The following DOCK2 variants were observed in gnomAD, a reference collection of about 807,000 sequenced individuals.
DOCK2 encodes dedicator of cytokinesis 2, also known as dedicator of cytokinesis protein 2.
In DOCK2, 87 loss-of-function variants were observed where a neutral mutation model predicts 248.9. The observed-to-expected ratio is 0.35, with a 90% CI of 0.29 to 0.42. The LOEUF (loss-of-function observed/expected upper bound fraction) is 0.42, where lower values mean the gene tolerates loss of function less well. DOCK2 is among the 10% of genes least tolerant of loss of function. DOCK2 has a pLI of 1.00. For missense variants in DOCK2, 1,747 were observed against 2,300.2 expected (o/e 0.76, Z 4.92); for synonymous variants, 805 against 821.6 (o/e 0.98, Z 0.35).
At chr5:169,670,649 C>G in intron 4 of DOCK2, 52 bp downstream of exon 4, 1 of 1,594,176 alleles carries the variant, frequency 6.3e-7, no homozygotes, top group Non-Finnish European at 8.5e-7. Context: ...ATGGATGTCT[C>G]TGTCCTGTTT....
chr5:169,639,407 G>A (rs563427477), intron 1 of DOCK2, among the ~76,000 whole-genome samples: 56 of 152,230 alleles, frequency 3.7e-4, no homozygotes, highest in African/African-American at 1.3e-3. Context: ...TGTGACAAAG[G>A]GTGACAGAAA....
chr5:169,903,791 G>A (rs991782027), intron 27 of DOCK2, among the ~76,000 whole-genome samples: 3 of 152,092 alleles, frequency 2.0e-5, no homozygotes, highest in Non-Finnish European at 2.9e-5. Context: ...AGCAGTGGAA[G>A]CCTCCAGTGG....
In DOCK2 at chr5:170,079,050, G is replaced by A. The variant is rs149235480; in HGVS notation, c.5070G>A (p.Leu1690=). ...QEEPISPGST[L]PEVKLRRSKK... ...AACCGATCTCCCCGGGGAGCACCCT[G>A]CCTGAGGTCAAGCTGCGGAGGTCCA... The change falls in exon 49 of 52, where the codon CTG becomes CTA. Residue 1690 remains leucine, a synonymous_variant. Coordinates refer to ENST00000520908, the MANE Select transcript of DOCK2 (RefSeq NM_004946.3). The A allele has an allele frequency of 2.5e-6, 4 of 1,614,166 alleles. No individual in the cohort carries two copies. The highest frequency in any genetic ancestry group is 3.4e-6 in the Non-Finnish European group (4 of 1,180,016).
intron 25 of DOCK2, among the ~76,000 whole-genome samples, chr5:169,802,365 T>C (rs1767054882): frequency 6.6e-6 from 1 of 152,190 alleles, no homozygotes; most frequent in African/African-American, 2.4e-5. Flanking sequence ...TTTCGCCACG[T>C]TGGCCATGCT....
chr5:169,992,755 G>A (rs1778241454), intron 29 of DOCK2, among the ~76,000 whole-genome samples: 2 of 150,838 alleles, frequency 1.3e-5, no homozygotes. Flanking sequence ...GAGCCACCGT[G>A]CCCAGCCAAT....
At chr5:169,964,522 G>T (rs1164974573) in intron 27 of DOCK2, among the ~76,000 whole-genome samples, 1 of 152,228 alleles carries the variant, frequency 6.6e-6, no homozygotes, top group Non-Finnish European at 1.5e-5. Flanking sequence ...CAGCTCTTCT[G>T]CTGGAATAGA....
chr5:169,738,510 C>T (rs262846), intron 22 of DOCK2, among the ~76,000 whole-genome samples: 2 of 152,068 alleles, frequency 1.3e-5, no homozygotes, highest in African/African-American at 4.8e-5. Context: ...ACTTGGGCAC[C>T]AGTGGGGCCT....
chr5:169,851,368 C>T (rs536385030), intron 27 of DOCK2, among the ~76,000 whole-genome samples: 5 of 152,296 alleles, frequency 3.3e-5, no homozygotes, highest in Non-Finnish European at 5.9e-5. Flanking sequence ...ATGCTTCATT[C>T]TCCAAATCTT....
rs1227176121 is a variant in DOCK2 at position 170,025,786 on chromosome 5, C to T, written c.3382-2077C>T. Among the ~76,000 whole-genome samples the T allele has an allele frequency of 1.2e-4, 8 of 65,420 alleles. No homozygotes were observed. The East Asian group carries it at 4.1e-3, about 34-fold the overall frequency. The allele number at this position is 65,420 out of a possible 152,430, so 42.9% of individuals were successfully genotyped here. On this transcript the variant is annotated intron_variant, in intron 33 of 51. Coordinates refer to ENST00000520908, the MANE Select transcript of DOCK2 (RefSeq NM_004946.3). ...TCCCTCCCTCCCTCCCTCCCTCCTT[C>T]CCTCCCTTCCTTCCTTCCTTCCTTC...
chr5:169,760,944 A>C (rs528254367), intron 24 of DOCK2, among the ~76,000 whole-genome samples: 1 of 152,248 alleles, frequency 6.6e-6, no homozygotes, highest in African/African-American at 2.4e-5. Context: ...TTCTCACCCT[A>C]TTTGGGAAGA....
In DOCK2 at chr5:169,985,876, A is replaced by G. The variant is rs758789166; in HGVS notation, c.2947A>G (p.Asn983Asp). ...FIMFKDLIGK[N>D]VYPGDWMAMS... ...CATGTTCAAGGACCTCATTGGAAAG[A>G]ACGTGTACCCTGGAGACTGGATGGC... Residue 983 changes from asparagine (N) to aspartate (D), a missense_variant, in exon 29 of 52, where the codon AAC becomes GAC. Physicochemically the swap from Asn to Asp is conservative, Grantham distance 23. This residue lies in a region of DOCK2 where 858 missense variants were observed against 1,183.5 expected (regional missense o/e 0.72). Coordinates refer to ENST00000520908, the MANE Select transcript of DOCK2 (RefSeq NM_004946.3). The G allele has an allele frequency of 1.9e-6, 3 of 1,611,246 alleles. No individual in the cohort carries two copies. In the East Asian group the frequency reaches 6.7e-5, roughly 36 times the overall value.
intron 26 of DOCK2, among the ~76,000 whole-genome samples, chr5:169,803,677 T>C (rs1024043860): frequency 6.6e-6 from 1 of 152,112 alleles, no homozygotes; most frequent in East Asian, 1.9e-4. Flanking sequence ...ATTCCAGAGA[T>C]AGGGTGTGGA....
At chr5:170,010,180 C>G (rs1225985862) in intron 32 of DOCK2, among the ~76,000 whole-genome samples, 1 of 152,102 alleles carries the variant, frequency 6.6e-6, no homozygotes. Context: ...TGGCCTCTAC[C>G]CTCTAAGATG....
In DOCK2 at chr5:169,986,826, G is replaced by A. The variant is rs566991454; in HGVS notation, c.2993+904G>A. On this transcript the variant is annotated intron_variant, in intron 29 of 51. Coordinates refer to ENST00000520908, the MANE Select transcript of DOCK2 (RefSeq NM_004946.3). ...GCCCTTCAACTTATACTGGTGTCTA[G>A]TTTTATCTCCCTCTACCTATTGTTC... 1.1e-4 allele frequency among the ~76,000 whole-genome samples: 17 copies of A among 152,200 alleles called. 1 individual carries two copies. In the South Asian group the frequency reaches 3.3e-3, roughly 30 times the overall value.
intron 27 of DOCK2, among the ~76,000 whole-genome samples, chr5:169,979,158 T>G (rs1777848850): frequency 6.6e-6 from 1 of 152,126 alleles, no homozygotes; most frequent in Non-Finnish European, 1.5e-5. Flanking sequence ...CCTCCACCCC[T>G]CTGTTCCCCA....
chr5:169,758,026 T>C (rs1764283734), intron 23 of DOCK2, among the ~76,000 whole-genome samples: 1 of 152,114 alleles, frequency 6.6e-6, no homozygotes, highest in African/African-American at 2.4e-5. Context: ...CTTTGAACAA[T>C]CTATCCTACA....
chr5:169,719,717 C>A (rs1762091769), intron 22 of DOCK2, among the ~76,000 whole-genome samples: 1 of 152,118 alleles, frequency 6.6e-6, no homozygotes, highest in African/African-American at 2.4e-5. Flanking sequence ...TACATTCTAC[C>A]AGTGGAAGCA....
chr5:170,029,394 A>G (rs1264791716), intron 34 of DOCK2, among the ~76,000 whole-genome samples: 5 of 152,192 alleles, frequency 3.3e-5, no homozygotes, highest in Admixed American at 3.3e-4. Context: ...GGTCGCTTGT[A>G]TATCTTTGGA....
chr5:169,783,751 AT>A (rs1765835923), intron 25 of DOCK2, among the ~76,000 whole-genome samples: 1 of 152,180 alleles, frequency 6.6e-6, no homozygotes, highest in Non-Finnish European at 1.5e-5. Flanking sequence ...ACTTTTAATA[AT>A]TTTTATAAAA....
Sources: allele counts gnomAD v4.1 joint callset (sites outside exome capture counted in the v4.1 genomes callset), GRCh38; gene constraint gnomAD v4.1.1; regional missense constraint gnomAD v4.1.1; transcripts MANE v1.5; gene names NCBI Gene and HGNC (gene_info 2026-07-23, HGNC 2026-07-21).